MITD1: variants seen among roughly 807,000 people sequenced by gnomAD.
The protein encoded by MITD1 is microtubule interacting and trafficking domain containing 1.
MITD1 carries 24 observed loss-of-function variants against 34.9 expected under a neutral mutation model. The ratio of observed to expected loss-of-function variants is 0.69; its 90% confidence interval spans 0.50 to 0.97. MITD1 has a LOEUF of 0.97. Ranked by LOEUF, MITD1 falls within the 50% of genes least tolerant of loss-of-function variation. MITD1 has a pLI of 0.00. For missense variants in MITD1, 266 were observed against 294.6 expected (o/e 0.90, Z 0.71); for synonymous variants, 102 against 101.4 (o/e 1.01, Z -0.04).
At chr2:99,167,510 G>C (rs2093832257), downstream of MITD1, among the ~76,000 whole-genome samples, 1 of 152,142 alleles carries the variant, frequency 6.6e-6, no homozygotes, top group African/African-American at 2.4e-5. Flanking sequence ...GTCTTAGCCA[G>C]GATTTTTATA....
chr2:99,161,728 A>G, downstream of MITD1: 1 of 449,970 alleles, frequency 2.2e-6, no homozygotes, highest in Non-Finnish European at 3.9e-6. Context: ...TTATTGTTTG[A>G]AAACTGTGAA....
chr2:99,173,208 G>C (rs1289397803), intron 2 of MITD1: 1 of 236,366 alleles, frequency 4.2e-6, no homozygotes, highest in Non-Finnish European at 9.1e-6. Flanking sequence ...ATACAGGATA[G>C]TAGGAAGAGA....
chr2:99,179,283 G>A lies in MITD1; in HGVS notation c.151+1548C>T, dbSNP rs548190975. On this transcript the variant is annotated intron_variant, in intron 1 of 6. Coordinates refer to ENST00000289359, the MANE Select transcript of MITD1 (RefSeq NM_138798.3). ...ACACAGTACACCATCTCTCTTTTGG[G>A]ATTCAGTATACCAGAGTCGTTGGGG... Among the ~76,000 whole-genome samples, 11 of 152,256 alleles carry A rather than the reference G, an allele frequency of 7.2e-5. No homozygotes were observed. The East Asian group carries it at 2.1e-3, about 29-fold the overall frequency.
At chr2:99,177,587 C>T (rs907464357) in intron 1 of MITD1, among the ~76,000 whole-genome samples, 1 of 152,210 alleles carries the variant, frequency 6.6e-6, no homozygotes, top group East Asian at 1.9e-4. Flanking sequence ...TTCATTCTAG[C>T]TATGTTGAAA....
intron 1 of MITD1, among the ~76,000 whole-genome samples, chr2:99,178,783 G>A (rs1182490556): frequency 1.3e-5 from 2 of 152,258 alleles, no homozygotes; most frequent in East Asian, 3.9e-4. Flanking sequence ...AACCTTAAAT[G>A]GTTTCTCCTT....
At chr2:99,169,654 C>A in intron 5 of MITD1, 44 bp from the exon 6 acceptor site, 2 of 1,476,644 alleles carry the variant, frequency 1.4e-6, no homozygotes, top group South Asian at 2.3e-5. Context: ...ACATTTAAGT[C>A]AGACTATTAA....
At chr2:99,180,269 T>C (rs1372647349) in intron 1 of MITD1, among the ~76,000 whole-genome samples, 1 of 152,220 alleles carries the variant, frequency 6.6e-6, no homozygotes, top group African/African-American at 2.4e-5. Context: ...AAATTAAAAA[T>C]AATCGTATAA....
chr2:99,171,818 G>T, intron 2 of MITD1, 172 bp from the exon 3 acceptor site: 1 of 627,022 alleles, frequency 1.6e-6, no homozygotes, highest in Non-Finnish European at 2.6e-6. Context: ...GATGTTACAC[G>T]TACAAAGGTA....
At chr2:99,176,689 T>C (rs11689302) in intron 1 of MITD1, among the ~76,000 whole-genome samples, 6 of 105,288 alleles carry the variant, frequency 5.7e-5, no homozygotes, top group South Asian at 6.8e-4. Flanking sequence ...TGTGTGCGCG[T>C]GTGTGTGTGT....
chr2:99,165,877 CAG>C (rs1469165207), downstream of MITD1, among the ~76,000 whole-genome samples: 1 of 152,164 alleles, frequency 6.6e-6, no homozygotes, highest in African/African-American at 2.4e-5. Context: ...GAAGTAGCGA[CAG>C]GGGCCTGAAT....
chr2:99,180,745 C>A (rs1265862685), intron 1 of MITD1, 86 bp downstream of exon 1: 2 of 1,201,518 alleles, frequency 1.7e-6, no homozygotes, highest in East Asian at 2.4e-5. Flanking sequence ...GTGGAAAAAT[C>A]ATTTTTAACT....
downstream of MITD1, among the ~76,000 whole-genome samples, chr2:99,165,771 C>A (rs1036540223): frequency 6.6e-6 from 1 of 152,112 alleles, no homozygotes; most frequent in Non-Finnish European, 1.5e-5. Flanking sequence ...GACGTGGGCA[C>A]ATGACTTAAG....
At chr2:99,169,679 A>G (rs2093844897) in intron 5 of MITD1, 69 bp from the exon 6 acceptor site, 1 of 1,330,194 alleles carries the variant, frequency 7.5e-7, no homozygotes, top group African/African-American at 1.5e-5. Context: ...GCTGTAGTGT[A>G]TTAAGTGTCA....
chr2:99,179,017 C>T (rs1428242179), intron 1 of MITD1, among the ~76,000 whole-genome samples: 1 of 152,224 alleles, frequency 6.6e-6, no homozygotes, highest in Non-Finnish European at 1.5e-5. Flanking sequence ...CCACCTCTAC[C>T]TTTCCACCCT....
downstream of MITD1, among the ~76,000 whole-genome samples, chr2:99,169,071 A>C (rs2093840734): frequency 6.6e-6 from 1 of 151,280 alleles, no homozygotes; most frequent in Non-Finnish European, 1.5e-5. Context: ...CCACAGGCAA[A>C]ATTAAGATCT....
downstream of MITD1, among the ~76,000 whole-genome samples, chr2:99,167,252 ATTAAG>A (rs1422707026): frequency 2.0e-5 from 3 of 152,174 alleles, no homozygotes; most frequent in Non-Finnish European, 4.4e-5. Flanking sequence ...TAATTTATAA[ATTAAG>A]TTAGAGAGAA....
chr2:99,166,926 G>A (rs946616216), downstream of MITD1, among the ~76,000 whole-genome samples: 1 of 137,654 alleles, frequency 7.3e-6, no homozygotes, highest in Non-Finnish European at 1.5e-5. Context: ...TCTGTAATAC[G>A]TTTAGATTTC....
intron 1 of MITD1, among the ~76,000 whole-genome samples, chr2:99,177,675 ATTTTT>A (rs34554984): frequency 6.7e-6 from 1 of 149,858 alleles, no homozygotes; most frequent in Non-Finnish European, 1.5e-5. Flanking sequence ...TTAACTGTAA[ATTTTT>A]TTTTTTAAGA....
intron 1 of MITD1, among the ~76,000 whole-genome samples, chr2:99,177,691 G>A (rs1231448344): frequency 1.3e-5 from 2 of 150,468 alleles, no homozygotes; most frequent in Admixed American, 1.3e-4. Flanking sequence ...TTTTTTAAGA[G>A]AGGGTTTCAC....
Sources: gnomAD v4.1 joint callset for allele counts (sites outside exome capture counted in the v4.1 genomes callset) on GRCh38, gnomAD v4.1.1 for gene constraint, MANE v1.5 for transcripts, NCBI Gene and HGNC (gene_info 2026-07-23, HGNC 2026-07-21) for gene names.